The following TNXB variants were observed in gnomAD, a reference collection of about 807,000 sequenced individuals.
TNXB encodes tenascin-X.
A neutral mutation model predicts 340.5 loss-of-function variants in TNXB; 183 were observed. That is an observed-to-expected ratio of 0.54 (90% CI 0.48 to 0.61). The LOEUF (loss-of-function observed/expected upper bound fraction) is 0.61. TNXB is among the 20% of genes least tolerant of loss of function. TNXB has a pLI of 0.00. For missense variants in TNXB, 4,613 were observed against 5,446.4 expected, an observed-to-expected ratio of 0.85 and a Z score of 4.82; for synonymous variants, 2,121 against 2,314.5, an observed-to-expected ratio of 0.92 and a Z score of 2.40.
chr6:32,050,273 G>A lies in TNXB; in HGVS notation c.9164C>T (p.Pro3055Leu), dbSNP rs201103486. ...ETTQAVPTMT[P>L]EPPIKPRLGE... ...CAGGCGAGGCTTGATGGGGGGCTCA[G>A]GGGTCATGGTAGGCACTGCTTGGGT... The change falls in exon 27 of 44, where the codon CCT becomes CTT. Residue 3055 changes from proline to leucine, a missense_variant. Physicochemically the swap from Pro to Leu is moderately conservative, Grantham distance 98. Around this residue, in one of 7 missense-constraint regions of TNXB, gnomAD observed 4,327 missense variants for 4,859.4 expected, o/e 0.89. Coordinates refer to ENST00000644971, the MANE Select transcript of TNXB (RefSeq NM_001365276.2). 4.1e-4 allele frequency: 662 copies of A among 1,613,480 alleles called. 7 individuals carry two copies. Among genetic ancestry groups the A allele is most frequent in the Non-Finnish European group, 1.3e-4 (157 of 1,179,848 alleles).
At chr6:32,055,821 G>T (rs1225311778) in intron 24 of TNXB, 30 bp downstream of exon 24, 2 of 1,592,966 alleles carry the variant, frequency 1.3e-6, no homozygotes, top group Non-Finnish European at 1.7e-6. Context: ...ACATCTTCTA[G>T]GGCCATCTTC....
At position 32,046,092 on chromosome 6, in the gene TNXB, CT is replaced by C. The variant is rs1263124588; in HGVS notation, c.10606+82del. The C allele has an allele frequency of 2.3e-5, 35 of 1,523,060 alleles. No individual in the cohort carries two copies. The highest frequency in any genetic ancestry group is 3.0e-5 in the Non-Finnish European group (34 of 1,134,362). 94.3% of individuals were successfully genotyped at this position (1,523,060 alleles called of 1,614,324 possible). A position where few individuals can be genotyped will look rare whatever the true frequency, so the allele number is the denominator to read the frequency against. On this transcript the variant is annotated intron_variant, in intron 31 of 43. Transcript: ENST00000644971. The surrounding 1 kb of genome is among the most constrained non-coding windows in gnomAD (Gnocchi z 6.9). ...GCGCCCCACTCCGGCCTGCCCACTC[CT>C]GCAGTCATCTTTGTCTTCAGCCCAA...
intron 1 of TNXB, among the ~76,000 whole-genome samples, chr6:32,107,185 C>T (rs988550065): frequency 1.3e-5 from 2 of 152,220 alleles, no homozygotes; most frequent in African/African-American, 4.8e-5. Flanking sequence ...CATACTTCCC[C>T]GTACCCCTGG....
Position 32,087,877 on chromosome 6 carries a change from G to T in TNXB, c.2779+908C>A. 2.4e-6 allele frequency: 1 copy of T among 419,096 alleles called. No individual in the cohort carries two copies. Among genetic ancestry groups the T allele is most frequent in the Non-Finnish European group, 4.7e-6 (1 of 212,450 alleles). 26.0% of individuals were successfully genotyped at this position (419,096 alleles called of 1,614,324 possible). A position where few individuals can be genotyped will look rare whatever the true frequency, so the allele number is the denominator to read the frequency against. On this transcript the variant is annotated intron_variant, in intron 6 of 43. Coordinates refer to ENST00000644971, the MANE Select transcript of TNXB (RefSeq NM_001365276.2). The surrounding 1 kb of genome is among the most constrained non-coding windows in gnomAD (Gnocchi z 9.0). ...CGGGGACTCCTCCTCCCTTTCCTCT[G>T]CTGGCCTCGAGGGCCAAGGGGGCCG...
rs2857019 is a variant in TNXB, at chr6:32,050,592, T to C, written c.9116-271A>G. Reference sequence around the variant, plus strand: ...CCTCTCTTTTGAGCACAGCTCCACTTGGCCTCTGCACCCTTACCCTCCCTG... The same window carrying C: ...CCTCTCTTTTGAGCACAGCTCCACTCGGCCTCTGCACCCTTACCCTCCCTG... On this transcript the variant is annotated intron_variant, in intron 26 of 43. Coordinates refer to ENST00000644971, the MANE Select transcript of TNXB (RefSeq NM_001365276.2). 3.0e-3 allele frequency among the ~76,000 whole-genome samples: 459 copies of C among 150,668 alleles called. 2 individuals carry two copies. Among genetic ancestry groups the C allele is most frequent in the East Asian group, 5.7e-3 (28 of 4,936 alleles).
chr6:32,056,939 T>A (rs368507360), intron 22 of TNXB, 36 bp from the exon 23 acceptor site: 18 of 1,602,228 alleles, frequency 1.1e-5, no homozygotes, highest in East Asian at 2.2e-5. Flanking sequence ...GACAGTGAGG[T>A]CCCTGGCTCC....
In TNXB at chr6:32,047,188, C is replaced by CT; in HGVS notation, c.10324+545dup. ...CCCAGGCCCAGACTGGCCGGCTGCT[C>CT]TGTCCTCCTCTGGGCATAGTGACTC... On this transcript the variant is annotated intron_variant, in intron 30 of 43. Coordinates refer to ENST00000644971, the MANE Select transcript of TNXB (RefSeq NM_001365276.2). This position sits in a 1 kb window ranked among gnomAD's most constrained non-coding sequence, Gnocchi z 6.2. Among the ~76,000 whole-genome samples the CT allele has an allele frequency of 1.3e-5, 2 of 152,388 alleles. No individual in the cohort carries two copies. Among genetic ancestry groups the CT allele is most frequent in the South Asian group, 4.1e-4 (2 of 4,834 alleles).
rs552809323 is a variant in TNXB at position 32,052,293 on chromosome 6, A to G, written c.9115+377T>C. Among the ~76,000 whole-genome samples the G allele has an allele frequency of 3.4e-4, 51 of 152,140 alleles. No homozygotes were observed. The highest frequency in any genetic ancestry group is 1.4e-3 in the Admixed American group (22 of 15,290). The stretch of plus-strand genomic sequence containing the variant: ...GGTGAAACCCATCTCTACTAAAAAT[A>G]TGAAAAAATTAGCTGGGCGTGGTGG... On this transcript the variant is annotated intron_variant, in intron 26 of 43. Transcript: ENST00000644971. This position sits in a 1 kb window ranked among gnomAD's most constrained non-coding sequence, Gnocchi z 4.7.
chr6:32,046,404 C>T lies in TNXB; in HGVS notation c.10377G>A (p.Glu3459=), dbSNP rs569987568. 3.2e-6 allele frequency: 5 copies of T among 1,583,154 alleles called. No individual in the cohort carries two copies. In the Admixed American group the frequency reaches 6.7e-5, roughly 21 times the overall value. ...ACAGGCGCAGAGAGCTGGAGGTCTC[C>T]TCAGCCACGGTCAGTTCCCCCAGGT... ...PPHLGELTVA[E]ETSSSLRLSW... is the part of the protein sequence containing the mutation. Residue 3459 remains glutamate, a synonymous_variant, in exon 31 of 44, where the codon GAG becomes GAA. Transcript: ENST00000644971. The surrounding 1 kb of genome is among the most constrained non-coding windows in gnomAD (Gnocchi z 6.9).
In TNXB at chr6:32,079,049, G is replaced by A. The variant is rs745736688; in HGVS notation, c.4359C>T (p.Ser1453=). 1.4e-5 allele frequency: 22 copies of A among 1,611,976 alleles called. No individual in the cohort carries two copies. The highest frequency in any genetic ancestry group is 1.8e-4 in the Middle Eastern group (1 of 5,660). The change falls in exon 11 of 44, where the codon TCC becomes TCT. Residue 1453 remains serine (S), a synonymous_variant. Transcript: ENST00000644971. The surrounding 1 kb of genome is among the most constrained non-coding windows in gnomAD (Gnocchi z 7.1). ...CTCACTCACCTGTCACGCCCACGGC[G>A]GACACCGGGCCCACGCGCTGCCCCT... The part of the protein sequence containing the change: ...LHEGQRVGPV[S]AVGVTAPQQE...
Position 32,049,395 on chromosome 6 carries a change from C to T in TNXB, c.9632G>A (p.Arg3211His), listed in dbSNP as rs1304146232. Reference protein sequence around the residue: ...KDRDGQPQVVRVRGEESEVTV... With the variant: ...KDRDGQPQVVHVRGEESEVTV... ...GACCTCGCTCTCCTCGCCCCTGACA[C>T]GCACCACCTGGGGCTGCCCGTCCCT... The change falls in exon 28 of 44, where the codon CGT becomes CAT. Residue 3211 changes from arginine to histidine, a missense_variant. Arg to His is a conservative substitution (Grantham distance 29). This residue lies in a region of TNXB where 4,327 missense variants were observed against 4,859.4 expected (regional missense o/e 0.89). Coordinates refer to ENST00000644971, the MANE Select transcript of TNXB (RefSeq NM_001365276.2). The surrounding 1 kb of genome is among the most constrained non-coding windows in gnomAD (Gnocchi z 4.5). The T allele has an allele frequency of 3.7e-6, 6 of 1,612,680 alleles. No homozygotes were observed. The highest frequency in any genetic ancestry group is 4.2e-6 in the Non-Finnish European group (5 of 1,179,884).
intron 22 of TNXB, among the ~76,000 whole-genome samples, chr6:32,057,267 C>T (rs1187520680): frequency 6.6e-6 from 1 of 152,188 alleles, no homozygotes; most frequent in Non-Finnish European, 1.5e-5. Flanking sequence ...GCAACAAGCT[C>T]AGCACACTCC....
rs754171539 is a variant in TNXB at position 32,085,734 on chromosome 6, A to T, written c.3148+16T>A. The T allele has an allele frequency of 6.6e-7, 1 of 1,522,284 alleles. No individual in the cohort carries two copies. The highest frequency in any genetic ancestry group is 8.8e-7 in the Non-Finnish European group (1 of 1,134,570). 94.3% of individuals were successfully genotyped at this position (1,522,284 alleles called of 1,614,324 possible). On this transcript the variant is annotated intron_variant, in intron 7 of 43. Coordinates refer to ENST00000644971, the MANE Select transcript of TNXB (RefSeq NM_001365276.2). The surrounding 1 kb of genome is among the most constrained non-coding windows in gnomAD (Gnocchi z 6.4). ...CCAATCTCAGGATATTGATCTGAGC[A>T]GAGTCCAAGATGTACCCATAATGCC...
rs780058313 is a variant in TNXB at position 32,053,737 on chromosome 6, G to A, written c.8468-26C>T. On this transcript the variant is annotated intron_variant, in intron 24 of 43. Transcript: ENST00000644971. ...CTGGACAGACACGTGTGGGGAGAGT[G>A]AGGTCCCTGGGTTCTCAGTTCAGCA... is the stretch of plus-strand genomic sequence containing the variant. 1.9e-6 allele frequency: 3 copies of A among 1,601,992 alleles called. No individual in the cohort carries two copies. The East Asian group carries it at 6.7e-5, about 36-fold the overall frequency.
Position 32,089,464 on chromosome 6 carries a change from C to A in TNXB, c.2359-85G>T. Reference sequence around the variant, plus strand: ...CCCCTTATCTCTTCTTTCTCCAATTCTAAACAGTGTCAGCATGGTACTGTG... The same window carrying A: ...CCCCTTATCTCTTCTTTCTCCAATTATAAACAGTGTCAGCATGGTACTGTG... On this transcript the variant is annotated intron_variant, in intron 4 of 43. Transcript: ENST00000644971. The surrounding 1 kb of genome is among the most constrained non-coding windows in gnomAD (Gnocchi z 6.2). 1 of 1,495,398 alleles carries A rather than the reference C, an allele frequency of 6.7e-7. No individual in the cohort carries two copies. Among genetic ancestry groups the A allele is most frequent in the South Asian group, 1.3e-5 (1 of 77,792 alleles). 92.6% of individuals were successfully genotyped at this position (1,495,398 alleles called of 1,614,324 possible). A position where few individuals can be genotyped will look rare whatever the true frequency, so the allele number is the denominator to read the frequency against.
chr6:32,061,487 C>T lies in TNXB; in HGVS notation c.7402G>A (p.Gly2468Ser), dbSNP rs760229156. Residue 2468 changes from glycine (G) to serine (S), a missense_variant, in exon 21 of 44, where the codon GGC becomes AGC. Gly to Ser is a moderately conservative substitution (Grantham distance 56, BLOSUM62 0). This residue lies in a region of TNXB where 4,327 missense variants were observed against 4,859.4 expected (regional missense o/e 0.89). Transcript: ENST00000644971. The surrounding 1 kb of genome is among the most constrained non-coding windows in gnomAD (Gnocchi z 4.4). ...TTGTATTTGCGCCCAGGCTCCAGGC[C>T]CCCCACGGTGACCTCGCTCTCCTCG... ...GGEESEVTVG[G>S]LEPGRKYKMH... The T allele has an allele frequency of 2.5e-6, 4 of 1,613,484 alleles. No homozygotes were observed. The African/African-American group carries it at 5.4e-5, about 22-fold the overall frequency.
chr6:32,070,484 A>G lies in TNXB; in HGVS notation c.4991-70T>C. On this transcript the variant is annotated intron_variant, in intron 13 of 43. Coordinates refer to ENST00000644971, the MANE Select transcript of TNXB (RefSeq NM_001365276.2). This position sits in a 1 kb window ranked among gnomAD's most constrained non-coding sequence, Gnocchi z 6.0. Reference sequence around the variant, plus strand: ...CTTGACTGCCTCCCTCTGGGGCTGGAAAAACCCAGAACTGCCCAAATGCTC... The same window carrying G: ...CTTGACTGCCTCCCTCTGGGGCTGGGAAAACCCAGAACTGCCCAAATGCTC... 1 of 1,442,422 alleles carries G rather than the reference A, an allele frequency of 6.9e-7. No individual in the cohort carries two copies. The highest frequency in any genetic ancestry group is 9.2e-7 in the Non-Finnish European group (1 of 1,085,836). 89.4% of individuals were successfully genotyped at this position (1,442,422 alleles called of 1,614,324 possible).
In TNXB at chr6:32,052,713, G is replaced by C. The variant is rs61729739; in HGVS notation, c.9072C>G (p.His3024Gln). 3.7e-6 allele frequency: 6 copies of C among 1,613,652 alleles called. No homozygotes were observed. The highest frequency in any genetic ancestry group is 1.7e-5 in the Admixed American group (1 of 60,022). The part of the protein sequence containing the change: ...CKYKMHLYGL[H>Q]EGQRVGPVSA... The stretch of plus-strand genomic sequence containing the variant: ...ACACTGGGCCCACGCGCTGCCCCTC[G>C]TGGAGGCCGTACAGGTGCATCTTGT... The change falls in exon 26 of 44, where the codon CAC (histidine) becomes CAG (glutamine). Residue 3024 changes from histidine to glutamine, a missense_variant. By Grantham distance (24) the His-to-Gln change is conservative. Around this residue, in one of 7 missense-constraint regions of TNXB, gnomAD observed 4,327 missense variants for 4,859.4 expected, o/e 0.89. Coordinates refer to ENST00000644971, the MANE Select transcript of TNXB (RefSeq NM_001365276.2). The surrounding 1 kb of genome is among the most constrained non-coding windows in gnomAD (Gnocchi z 4.7).
Position 32,096,202 on chromosome 6 carries a change from C to G in TNXB, c.1651G>C (p.Gly551Arg). 6.4e-7 allele frequency: 1 copy of G among 1,567,728 alleles called. No homozygotes were observed. The highest frequency in any genetic ancestry group is 1.2e-5 in the South Asian group (1 of 85,816). ...GVCVCDAGYSGEDCSTRSCPG... is the reference protein window; with the variant it reads ...GVCVCDAGYSREDCSTRSCPG... ...CAGCTGCGCGTGCTGCAGTCTTCCC[C>G]TGAGTAGCCTGCGTCACACACGCAC... Residue 551 changes from glycine (G) to arginine (R), a missense_variant, in exon 3 of 44, where the codon GGG becomes CGG. By Grantham distance (125) the Gly-to-Arg change is moderately radical (BLOSUM62 -2). This residue lies in a region of TNXB where 4,327 missense variants were observed against 4,859.4 expected (regional missense o/e 0.89). Transcript: ENST00000644971.
Sources: allele counts gnomAD v4.1 joint callset (sites outside exome capture counted in the v4.1 genomes callset), GRCh38; gene constraint gnomAD v4.1.1; regional missense constraint gnomAD v4.1.1; non-coding constraint Gnocchi (gnomAD v3.1); transcripts MANE v1.5; gene names NCBI Gene and HGNC (gene_info 2026-07-23, HGNC 2026-07-21).